ARFGEF1: variants seen among roughly 807,000 people sequenced by gnomAD.
ARFGEF1 encodes ARF guanine nucleotide exchange factor 1, also known as brefeldin A-inhibited guanine nucleotide-exchange protein 1.
A neutral mutation model predicts 231.0 loss-of-function variants in ARFGEF1; 42 were observed. The ratio of observed to expected loss-of-function variants is 0.18; its 90% CI spans 0.14 to 0.24. ARFGEF1 has a LOEUF of 0.24. Ranked by LOEUF, ARFGEF1 falls within the 10% of genes least tolerant of loss-of-function variation. The probability of loss-of-function intolerance (pLI) is 1.00; values close to 1 mark genes in which losing one functional copy is unlikely to be tolerated. For synonymous variants in ARFGEF1, 710 were observed against 732.3 expected (o/e 0.97, Z 0.49); for missense variants, 1,345 against 2,192.0 (o/e 0.61, Z 7.72).
intron 1 of ARFGEF1, among the ~76,000 whole-genome samples, chr8:67,319,113 G>A (rs1807460175): frequency 6.6e-6 from 1 of 152,130 alleles, no homozygotes; most frequent in South Asian, 2.1e-4. Flanking sequence ...AATATATCAA[G>A]TTCATTGACT....
At chr8:67,333,241 G>T (rs1333139856) in intron 1 of ARFGEF1, among the ~76,000 whole-genome samples, 1 of 151,722 alleles carries the variant, frequency 6.6e-6, no homozygotes, top group Non-Finnish European at 1.5e-5. Flanking sequence ...CACCATGTTG[G>T]CCAGGATGGT....
chr8:67,243,090 T>TA (rs1839980694), intron 19 of ARFGEF1, among the ~76,000 whole-genome samples: 1 of 152,138 alleles, frequency 6.6e-6, no homozygotes, highest in Non-Finnish European at 1.5e-5. Context: ...ACCTGGGGGG[T>TA]AATCCAGAGA....
At chr8:67,249,854 T>A (rs1038509959) in intron 19 of ARFGEF1, among the ~76,000 whole-genome samples, 1 of 152,170 alleles carries the variant, frequency 6.6e-6, no homozygotes, top group Admixed American at 6.5e-5. Context: ...ACTCCTGACC[T>A]GAAGCAATCC....
chr8:67,209,998 A>C (rs1427908229), intron 34 of ARFGEF1, among the ~76,000 whole-genome samples: 2 of 151,854 alleles, frequency 1.3e-5, no homozygotes, highest in Non-Finnish European at 2.9e-5. Context: ...TAAAGAATAA[A>C]AAAAAAATTA....
chr8:67,251,314 C>G lies in ARFGEF1; in HGVS notation c.2835G>C (p.Val945=). ...AAATTCTAACCTTAAACATGGGCCT[C>G]ACATGCTCCAAATGTGTTGCACTTG... The part of the protein sequence containing the change: ...PFTSATHLEH[V]RPMFKLAWTP... The change falls in exon 19 of 39, where the codon GTG becomes GTC. Residue 945 remains valine, a synonymous_variant. Transcript: ENST00000262215. 3.1e-6 allele frequency: 5 copies of G among 1,602,888 alleles called. No individual in the cohort carries two copies. The South Asian group carries it at 5.7e-5, about 18-fold the overall frequency.
In ARFGEF1 at chr8:67,259,669, C is replaced by A. The variant is rs1840578008; in HGVS notation, c.2235+146G>T. 5.8e-6 allele frequency: 3 copies of A among 519,988 alleles called. No homozygotes were observed. In the South Asian group the frequency reaches 9.3e-5, roughly 16 times the overall value. 32.2% of individuals were successfully genotyped at this position (519,988 alleles called of 1,614,324 possible). A position where few individuals can be genotyped will look rare whatever the true frequency, so the allele number is the denominator to read the frequency against. On this transcript the variant is annotated intron_variant, in intron 15 of 38. Transcript: ENST00000262215. ...GTGGCTCACGCCTGTAATCCCAGCA[C>A]TTTGGGAGGCTGAGGCAGGAGGATT...
At chr8:67,271,639 A>G (rs1007473528) in intron 10 of ARFGEF1, 63 bp downstream of exon 10, 2 of 1,194,796 alleles carry the variant, frequency 1.7e-6, no homozygotes, top group Non-Finnish European at 2.4e-6. Flanking sequence ...GTATTCAAAT[A>G]TAATTTAACA....
intron 23 of ARFGEF1, among the ~76,000 whole-genome samples, chr8:67,231,647 C>T (rs1839557336): frequency 6.6e-6 from 1 of 152,020 alleles, no homozygotes; most frequent in Non-Finnish European, 1.5e-5. Flanking sequence ...GACAAGAAAG[C>T]TAGCCCGGTA....
chr8:67,295,059 T>C (rs1806170358), intron 5 of ARFGEF1, among the ~76,000 whole-genome samples: 1 of 152,152 alleles, frequency 6.6e-6, no homozygotes, highest in Non-Finnish European at 1.5e-5. Flanking sequence ...AATAAGTAAC[T>C]GTAGCACACA....
chr8:67,338,811 A>C (rs1391370295), intron 1 of ARFGEF1, among the ~76,000 whole-genome samples: 1 of 152,236 alleles, frequency 6.6e-6, no homozygotes. Context: ...GATATCAAAG[A>C]AGGCTTAAAC....
At position 67,289,578 on chromosome 8, in the gene ARFGEF1, GAAAAAAGGACA is replaced by G. The variant is rs1319731069; in HGVS notation, c.917-1524_917-1514del. 2.4e-5 allele frequency among the ~76,000 whole-genome samples: 3 copies of G among 124,816 alleles called. No homozygotes were observed. In the East Asian group the frequency reaches 6.9e-4, roughly 29 times the overall value. The allele number at this position is 124,816 out of a possible 152,430, so 81.9% of individuals were successfully genotyped here. On this transcript the variant is annotated intron_variant, in intron 6 of 38. Coordinates refer to ENST00000262215, the MANE Select transcript of ARFGEF1 (RefSeq NM_006421.5). ...AAAAAAAAAAAAAAAAAAAAAAAAG[GAAAAAAGGACA>G]AAAAAAGGACCACTACTTATAATAG... is the stretch of plus-strand genomic sequence containing the variant.
Position 67,297,749 on chromosome 8 carries a change from T to TA in ARFGEF1, c.460-1140dup, listed in dbSNP as rs1290266373. Among the ~76,000 whole-genome samples, 4 of 152,266 alleles carry TA rather than the reference T, an allele frequency of 2.6e-5. No individual in the cohort carries two copies. The East Asian group carries it at 7.7e-4, about 29-fold the overall frequency. Reference sequence around the variant, plus strand: ...GGGTCAGCATTAATGGGCATTATCTTAAACCATAAATGACATGAAACTATA... The same window carrying TA: ...GGGTCAGCATTAATGGGCATTATCTTAAAACCATAAATGACATGAAACTATA... On this transcript the variant is annotated intron_variant, in intron 4 of 38. Transcript: ENST00000262215.
At chr8:67,343,126 A>T (rs1173630236) in intron 1 of ARFGEF1, 38 bp downstream of exon 1, 2 of 280,150 alleles carry the variant, frequency 7.1e-6, no homozygotes, top group South Asian at 6.5e-5. Context: ...CCCGCCCCAC[A>T]ACAAGCACCC....
At chr8:67,279,439 A>G (rs995458960) in intron 7 of ARFGEF1, among the ~76,000 whole-genome samples, 3 of 152,132 alleles carry the variant, frequency 2.0e-5, no homozygotes, top group African/African-American at 7.2e-5. Context: ...TGTGCACACA[A>G]CTGGATCTTC....
chr8:67,232,046 A>G (rs1839571098), intron 23 of ARFGEF1, among the ~76,000 whole-genome samples: 1 of 152,022 alleles, frequency 6.6e-6, no homozygotes, highest in African/African-American at 2.4e-5. Context: ...TTCCAGGGTC[A>G]GTGGCCACTG....
intron 9 of ARFGEF1, among the ~76,000 whole-genome samples, chr8:67,274,894 T>G (rs1479975952): frequency 1.3e-5 from 2 of 152,142 alleles, no homozygotes; most frequent in Non-Finnish European, 2.9e-5. Context: ...GTCGATTTTT[T>G]AATGAGATTT....
In ARFGEF1 at chr8:67,287,988, T is replaced by C. The variant is rs895868722; in HGVS notation, c.994A>G (p.Ile332Val). ...EEKPQDIVQN[I>V]VEEMVNIVVG... Reference sequence around the variant, plus strand: ...ACAATGTTCACCATTTCTTCTACAATGTTCTGTACAATGTCTTGTGGCTTT... The same window carrying C: ...ACAATGTTCACCATTTCTTCTACAACGTTCTGTACAATGTCTTGTGGCTTT... The change falls in exon 7 of 39, where the codon ATT (isoleucine) becomes GTT (valine). Residue 332 changes from isoleucine to valine, a missense_variant. This residue lies in a region of ARFGEF1 where 398 missense variants were observed against 463.2 expected (regional missense o/e 0.86). Transcript: ENST00000262215. The C allele has an allele frequency of 5.6e-6, 9 of 1,599,940 alleles. No homozygotes were observed. In the Admixed American group the frequency reaches 1.6e-4, roughly 28 times the overall value.
intron 1 of ARFGEF1, among the ~76,000 whole-genome samples, chr8:67,331,734 G>GAA (rs758367885): frequency 6.8e-6 from 1 of 146,238 alleles, no homozygotes; most frequent in Non-Finnish European, 1.5e-5. Flanking sequence ...TCTTAGAACA[G>GAA]AAAAAAAAAA....
At chr8:67,340,039 A>G (rs1343367660) in intron 1 of ARFGEF1, among the ~76,000 whole-genome samples, 1 of 152,100 alleles carries the variant, frequency 6.6e-6, no homozygotes, top group Non-Finnish European at 1.5e-5. Flanking sequence ...TTTTAAGAAT[A>G]CACAATAAGC....
Sources: gnomAD v4.1 joint callset for allele counts (sites outside exome capture counted in the v4.1 genomes callset) on GRCh38, gnomAD v4.1.1 for gene constraint, gnomAD v4.1.1 regional missense constraint, MANE v1.5 for transcripts, NCBI Gene and HGNC (gene_info 2026-07-23, HGNC 2026-07-21) for gene names.